Variants in RBPJ observed in about 807,000 individuals in gnomAD.
RBPJ encodes recombination signal binding protein for immunoglobulin kappa J region.
In RBPJ, 9 loss-of-function variants were observed where a neutral mutation model predicts 67.8. That is an observed-to-expected ratio of 0.13 (90% CI 0.08 to 0.23). RBPJ has a LOEUF of 0.23. Among genes scored for constraint, RBPJ ranks in the 10% least tolerant of loss-of-function variants. The pLI is 1.00. For missense variants in RBPJ, 305 were observed against 595.6 expected (o/e 0.51, Z 5.08); for synonymous variants, 198 against 203.3 (o/e 0.97, Z 0.22).
intron 1 of RBPJ, among the ~76,000 whole-genome samples, chr4:26,271,862 C>T (rs895309038): frequency 5.9e-5 from 9 of 152,180 alleles, no homozygotes; most frequent in Non-Finnish European, 1.0e-4. Context: ...CACACACACA[C>T]GTGCATGCAC....
In RBPJ at chr4:26,228,762, C is replaced by T. The variant is rs34014590; in HGVS notation, c.-167+65148C>T. On this transcript the variant is annotated intron_variant, in intron 1 of 4. Coordinates refer to the RBPJ transcript ENST00000512351. ...AAGCCATGAGTAATGGGTCTCTTCC[C>T]TCTTGCTGGATCTCTATAAATCGTT... 3.9e-3 allele frequency among the ~76,000 whole-genome samples: 587 copies of T among 152,340 alleles called. 2 individuals are homozygous for T. The highest frequency in any genetic ancestry group is 6.9e-3 in the Non-Finnish European group (468 of 68,030).
At chr4:26,402,172 G>A (rs138530298) in intron 2 of RBPJ, among the ~76,000 whole-genome samples, 8 of 152,218 alleles carry the variant, frequency 5.3e-5, no homozygotes, top group Non-Finnish European at 8.8e-5. Flanking sequence ...ACAGCCGTGT[G>A]CCACTGCGCC....
At chr4:26,420,936 C>T in intron 5 of RBPJ, 1 of 475,202 alleles carries the variant, frequency 2.1e-6, no homozygotes. Context: ...CTTAATGCTC[C>T]CAGGGACATT....
chr4:26,198,067 C>A (rs1717841760), intron 1 of RBPJ, among the ~76,000 whole-genome samples: 1 of 151,964 alleles, frequency 6.6e-6, no homozygotes, highest in African/African-American at 2.4e-5. Context: ...AGACCAGCCT[C>A]AACATGGAGG....
intron 1 of RBPJ, among the ~76,000 whole-genome samples, chr4:26,189,276 A>G (rs142097509): frequency 6.6e-6 from 1 of 152,318 alleles, no homozygotes; most frequent in African/African-American, 2.4e-5. Flanking sequence ...TTTTCTATTT[A>G]ATAAAGTTAT....
At position 26,168,445 on chromosome 4, in the gene RBPJ, G is replaced by A. The variant is rs1331415118; in HGVS notation, c.-167+4831G>A. On this transcript the variant is annotated intron_variant, in intron 1 of 4. Transcript: ENST00000512351. The stretch of plus-strand genomic sequence containing the variant: ...TAGAGTTTCTGCTGAGAGATCTGCT[G>A]TTCGTCTGATGGGCTTCCCTTTGTG... Among the ~76,000 whole-genome samples, 5 of 152,232 alleles carry A rather than the reference G, an allele frequency of 3.3e-5. No individual in the cohort carries two copies. The South Asian group carries it at 6.2e-4, about 19-fold the overall frequency.
At chr4:26,184,462 C>T (rs534183264) in intron 1 of RBPJ, among the ~76,000 whole-genome samples, 41 of 152,140 alleles carry the variant, frequency 2.7e-4, no homozygotes, top group African/African-American at 9.6e-4. Context: ...TTGCTGAAGG[C>T]AGGCCAAGGT....
intron 1 of RBPJ, among the ~76,000 whole-genome samples, chr4:26,305,975 G>A (rs980315850): frequency 8.6e-5 from 13 of 150,942 alleles, no homozygotes; most frequent in African/African-American, 3.2e-4. Flanking sequence ...TAGTACAGAT[G>A]GGGTTTCACC....
At chr4:26,134,376 A>G in the RBPJ span, among the ~76,000 whole-genome samples, 4 of 152,216 alleles carry the variant, frequency 2.6e-5, no homozygotes, top group Admixed American at 6.5e-5. Flanking sequence ...GAATTTCAAG[A>G]TGGCGACAAC....
intron 1 of RBPJ, among the ~76,000 whole-genome samples, chr4:26,201,397 T>G (rs1389760025): frequency 2.0e-5 from 3 of 152,206 alleles, no homozygotes; most frequent in Non-Finnish European, 4.4e-5. Context: ...GAGCTTTAGC[T>G]CTATTACAGT....
At chr4:26,210,466 A>T (rs1268682334) in intron 1 of RBPJ, among the ~76,000 whole-genome samples, 1 of 152,180 alleles carries the variant, frequency 6.6e-6, no homozygotes, top group Non-Finnish European at 1.5e-5. Context: ...ATTTAAAGCC[A>T]TTCCCATCGC....
At chr4:26,232,841 A>G (rs2109207325) in intron 1 of RBPJ, among the ~76,000 whole-genome samples, 1 of 152,368 alleles carries the variant, frequency 6.6e-6, no homozygotes, top group Admixed American at 6.5e-5. Flanking sequence ...AACCTGTGTC[A>G]TAAGACTTAT....
At chr4:26,328,872 G>A (rs1424105441) in intron 1 of RBPJ, among the ~76,000 whole-genome samples, 1 of 152,080 alleles carries the variant, frequency 6.6e-6, no homozygotes, top group East Asian at 1.9e-4. Context: ...CTGGTCCAGA[G>A]CTCCCGGGCT....
chr4:26,163,758 T>C (rs977200174), intron 1 of RBPJ: 10 of 152,262 alleles, frequency 6.6e-5, no homozygotes, highest in Admixed American at 6.5e-4. Flanking sequence ...TCCTTTACCA[T>C]TGAAATCTCT....
intron 1 of RBPJ, among the ~76,000 whole-genome samples, chr4:26,263,937 C>A (rs1253123358): frequency 1.3e-5 from 2 of 151,232 alleles, no homozygotes; most frequent in African/African-American, 4.9e-5. Context: ...TGCAGCCGTG[C>A]GATCTCGGCT....
At chr4:26,114,673 T>C in the RBPJ span, among the ~76,000 whole-genome samples, 1 of 152,042 alleles carries the variant, frequency 6.6e-6, no homozygotes, top group African/African-American at 2.4e-5. Context: ...CCACACAAAC[T>C]ACCACTGGTA....
At chr4:26,121,304 C>T in the RBPJ span, among the ~76,000 whole-genome samples, 16 of 152,168 alleles carry the variant, frequency 1.1e-4, no homozygotes, top group East Asian at 2.9e-3. Context: ...AGTGCTCCTG[C>T]GTGGGTTTCT....
rs1186415927 is a variant in RBPJ at position 26,431,856 on chromosome 4, T to C, written c.*849T>C. On this transcript the variant is annotated 3_prime_UTR_variant, in exon 11 of 11. Transcript: ENST00000355476. ...TTTTTTAAAAAAAAATATGGACTTATTGTGGTTATCTGAGAGGTTCTAACA... is the reference window on the plus strand; with the variant it reads ...TTTTTTAAAAAAAAATATGGACTTACTGTGGTTATCTGAGAGGTTCTAACA... The C allele has an allele frequency of 1.3e-5, 2 of 152,164 alleles. No homozygotes were observed. The highest frequency in any genetic ancestry group is 2.4e-5 in the African/African-American group (1 of 41,438). The allele number at this position is 152,164 out of a possible 1,614,324, so 9.4% of individuals were successfully genotyped here.
chr4:26,343,150 T>C (rs1289796860), intron 1 of RBPJ: 1 of 152,212 alleles, frequency 6.6e-6, no homozygotes, highest in Non-Finnish European at 1.5e-5. Flanking sequence ...GTGTTTGTTA[T>C]TGTGAATCCC....
Sources: gnomAD v4.1 joint callset for allele counts (sites outside exome capture counted in the v4.1 genomes callset) on GRCh38, gnomAD v4.1.1 for gene constraint, MANE v1.5 for transcripts, NCBI Gene and HGNC (gene_info 2026-07-23, HGNC 2026-07-21) for gene names.